NMNAT2: variants seen among roughly 807,000 people sequenced by gnomAD.
NMNAT2 encodes nicotinamide/nicotinic acid mononucleotide adenylyltransferase 2.
In NMNAT2, 11 loss-of-function variants were observed where a neutral mutation model predicts 41.6. The ratio of observed to expected loss-of-function variants is 0.26; its 90% CI spans 0.17 to 0.44. The LOEUF is 0.44. NMNAT2 is among the 20% of genes least tolerant of loss of function. The probability of loss-of-function intolerance (pLI) is 1.00; values close to 1 mark genes in which losing one functional copy is unlikely to be tolerated. For missense variants in NMNAT2, 288 were observed against 407.7 expected, an observed-to-expected ratio of 0.71 and a Z score of 2.53; for synonymous variants, 148 against 151.2, an observed-to-expected ratio of 0.98 and a Z score of 0.16.
intron 10 of NMNAT2, among the ~76,000 whole-genome samples, chr1:183,256,130 G>T (rs188517299): frequency 5.9e-5 from 9 of 152,146 alleles, no homozygotes; most frequent in Non-Finnish European, 1.2e-4. Flanking sequence ...TTGCCTTGCC[G>T]GGAGTGGTGG....
chr1:183,252,157 CAAAA>C lies in NMNAT2; in HGVS notation c.*480_*483del, dbSNP rs1034037755. 1.3e-5 allele frequency: 2 copies of C among 155,950 alleles called. No individual in the cohort carries two copies. The highest frequency in any genetic ancestry group is 2.4e-5 in the African/African-American group (1 of 41,460). The allele number at this position is 155,950 out of a possible 1,614,324, so 9.7% of individuals were successfully genotyped here. On this transcript the variant is annotated 3_prime_UTR_variant, in exon 11 of 11. Coordinates refer to ENST00000287713, the MANE Select transcript of NMNAT2 (RefSeq NM_015039.4). ...GAGTGAACAAAGAAAAATAAATAAACAAAAGAAAGAAAAGAAAAATAGCCCTTTG... is the reference window on the plus strand; with the variant it reads ...GAGTGAACAAAGAAAAATAAATAAACGAAAGAAAAGAAAAATAGCCCTTTG...
chr1:183,306,771 A>C (rs1472961544), intron 1 of NMNAT2, among the ~76,000 whole-genome samples: 1 of 152,216 alleles, frequency 6.6e-6, no homozygotes, highest in Non-Finnish European at 1.5e-5. Context: ...TAGAGGCAAC[A>C]GAGCATGTTT....
At chr1:183,412,846 C>T (rs147965772) in intron 1 of NMNAT2, among the ~76,000 whole-genome samples, 265 of 152,270 alleles carry the variant, frequency 1.7e-3, no homozygotes, top group Middle Eastern at 6.8e-3. Context: ...TCTTCTACTG[C>T]CTGGTAAATA....
At chr1:183,316,221 C>A (rs1662246640) in intron 1 of NMNAT2, among the ~76,000 whole-genome samples, 1 of 152,122 alleles carries the variant, frequency 6.6e-6, no homozygotes, top group South Asian at 2.1e-4. Flanking sequence ...TCCCTGGAAT[C>A]TGGAATTCAT....
chr1:183,407,180 C>A (rs190073149), intron 1 of NMNAT2, among the ~76,000 whole-genome samples: 47 of 152,290 alleles, frequency 3.1e-4, no homozygotes, highest in Non-Finnish European at 5.0e-4. Context: ...GTCCCATGCA[C>A]CCGCCTGAAG....
Position 183,332,822 on chromosome 1 carries a change from C to T in NMNAT2, c.86-39029G>A, listed in dbSNP as rs571983879. Among the ~76,000 whole-genome samples, 18 of 152,342 alleles carry T rather than the reference C, an allele frequency of 1.2e-4. No individual in the cohort carries two copies. In the East Asian group the frequency reaches 3.3e-3, roughly 28 times the overall value. Reference sequence around the variant, plus strand: ...ACTTACCAGGGGAAATTCTCAGCCTCGCCCAGGTCGGGGTGCACTGCCCTC... The same window carrying T: ...ACTTACCAGGGGAAATTCTCAGCCTTGCCCAGGTCGGGGTGCACTGCCCTC... On this transcript the variant is annotated intron_variant, in intron 1 of 10. Transcript: ENST00000287713.
chr1:183,320,467 G>A (rs1458712077), intron 1 of NMNAT2, among the ~76,000 whole-genome samples: 1 of 152,168 alleles, frequency 6.6e-6, no homozygotes, highest in Non-Finnish European at 1.5e-5. Context: ...TGAGCCAGGT[G>A]TGGTGGCGGG....
intron 1 of NMNAT2, among the ~76,000 whole-genome samples, chr1:183,404,831 C>T (rs931957561): frequency 6.6e-6 from 1 of 152,214 alleles, no homozygotes; most frequent in African/African-American, 2.4e-5. Context: ...CTGTCTGCAA[C>T]CCAAATGGTC....
At chr1:183,377,326 C>A (rs963785944) in intron 1 of NMNAT2, among the ~76,000 whole-genome samples, 1 of 152,074 alleles carries the variant, frequency 6.6e-6, no homozygotes, top group East Asian at 1.9e-4. Flanking sequence ...CCCACCACCT[C>A]CATGCTGTCA....
At chr1:183,326,503 G>A (rs930684943) in intron 1 of NMNAT2, among the ~76,000 whole-genome samples, 5 of 152,026 alleles carry the variant, frequency 3.3e-5, no homozygotes, top group African/African-American at 9.7e-5. Flanking sequence ...GGATCCAGGG[G>A]CAGACTTAGA....
In NMNAT2 at chr1:183,391,430, T is replaced by G. The variant is rs139171568; in HGVS notation, c.85+26753A>C. ...AACCTACTCTAATGTGCTTGGACAT[T>G]CTTTCGAGATTTCTCCCTTCTCAGC... is the stretch of plus-strand genomic sequence containing the variant. On this transcript the variant is annotated intron_variant, in intron 1 of 10. Transcript: ENST00000287713. 1.3e-3 allele frequency among the ~76,000 whole-genome samples: 193 copies of G among 152,322 alleles called. 1 individual carries two copies. The highest frequency in any genetic ancestry group is 4.5e-3 in the African/African-American group (189 of 41,574).
intron 1 of NMNAT2, among the ~76,000 whole-genome samples, chr1:183,410,089 A>C (rs975028688): frequency 1.3e-5 from 2 of 151,610 alleles, no homozygotes; most frequent in Non-Finnish European, 2.9e-5. Context: ...CAGGCGGATC[A>C]CCTGAGGTCA....
At chr1:183,266,770 C>A in intron 8 of NMNAT2, 1 of 215,104 alleles carries the variant, frequency 4.6e-6, no homozygotes, top group Non-Finnish European at 9.8e-6. Flanking sequence ...CTGAAGATCT[C>A]CAGGGCAAAA....
At chr1:183,411,507 T>C (rs1333856573) in intron 1 of NMNAT2, among the ~76,000 whole-genome samples, 2 of 152,046 alleles carry the variant, frequency 1.3e-5, no homozygotes, top group Non-Finnish European at 2.9e-5. Flanking sequence ...GGTTTCCCCA[T>C]ATTGCAGACT....
At chr1:183,414,069 G>C (rs1649192228) in intron 1 of NMNAT2, among the ~76,000 whole-genome samples, 1 of 152,146 alleles carries the variant, frequency 6.6e-6, no homozygotes, top group Non-Finnish European at 1.5e-5. Context: ...TTAGACCTCT[G>C]ACTGGCTTAA....
At chr1:183,298,545 T>C (rs1222183487) in intron 1 of NMNAT2, among the ~76,000 whole-genome samples, 1 of 152,232 alleles carries the variant, frequency 6.6e-6, no homozygotes, top group African/African-American at 2.4e-5. Context: ...AAGATCTAAA[T>C]AAATGTAGAG....
At chr1:183,398,483 T>C (rs559274858) in intron 1 of NMNAT2, among the ~76,000 whole-genome samples, 3 of 152,240 alleles carry the variant, frequency 2.0e-5, no homozygotes, top group South Asian at 2.1e-4. Context: ...CACCCCACTG[T>C]CAACATTAGA....
chr1:183,329,239 T>G (rs74954899), intron 1 of NMNAT2, among the ~76,000 whole-genome samples: 13,544 of 152,074 alleles, frequency 0.089, 677 homozygotes, highest in Middle Eastern at 0.15. Flanking sequence ...ATTTTAATTG[T>G]GTGTGTGTGT....
chr1:183,367,817 T>A (rs532153790), intron 1 of NMNAT2, among the ~76,000 whole-genome samples: 1 of 152,318 alleles, frequency 6.6e-6, no homozygotes, highest in East Asian at 1.9e-4. Context: ...AATAAAAATA[T>A]AAATAGAAGT....
Sources: gnomAD v4.1 joint callset for allele counts (sites outside exome capture counted in the v4.1 genomes callset) on GRCh38, gnomAD v4.1.1 for gene constraint, MANE v1.5 for transcripts, NCBI Gene and HGNC (gene_info 2026-07-23, HGNC 2026-07-21) for gene names.